Variants in DPYD observed in about 807,000 individuals in gnomAD.
DPYD encodes the protein dihydropyrimidine dehydrogenase [NADP(+)].
In DPYD, 109 loss-of-function variants were observed where a neutral mutation model predicts 116.2. The observed-to-expected ratio is 0.94, with a 90% CI of 0.80 to 1.10. The LOEUF (loss-of-function observed/expected upper bound fraction) is 1.10, where lower values mean the gene tolerates loss of function less well. Among genes scored for constraint, DPYD ranks in the 50% least tolerant of loss-of-function variants. The probability of loss-of-function intolerance (pLI) is 0.00; values close to 1 mark genes in which losing one functional copy is unlikely to be tolerated. For missense variants in DPYD, 1,302 were observed against 1,254.5 expected (o/e 1.04, Z -0.57); for synonymous variants, 440 against 432.0 (o/e 1.02, Z -0.23).
chr1:97,225,039 ATCT>A (rs1205802493), intron 19 of DPYD, among the ~76,000 whole-genome samples: 2 of 150,460 alleles, frequency 1.3e-5, no homozygotes, highest in Non-Finnish European at 3.0e-5. Flanking sequence ...CTATCTATCT[ATCT>A]ATCTATCTAT....
intron 8 of DPYD, among the ~76,000 whole-genome samples, chr1:97,624,580 C>A (rs966073212): frequency 1.3e-5 from 2 of 151,882 alleles, no homozygotes; most frequent in Admixed American, 1.3e-4. Flanking sequence ...ACTGGAAATA[C>A]AATTACCATG....
intron 2 of DPYD, among the ~76,000 whole-genome samples, chr1:97,867,346 G>A (rs982333458): frequency 4.6e-5 from 7 of 151,816 alleles, no homozygotes; most frequent in African/African-American, 1.7e-4. Flanking sequence ...CTCAAAAAAG[G>A]AAGAACCATA....
At chr1:97,467,638 T>G (rs1199777781) in intron 13 of DPYD, among the ~76,000 whole-genome samples, 1 of 152,166 alleles carries the variant, frequency 6.6e-6, no homozygotes, top group Non-Finnish European at 1.5e-5. Context: ...GTTGTCAGTG[T>G]TTGTCCTTGC....
chr1:97,644,748 G>T (rs746096355), intron 8 of DPYD, among the ~76,000 whole-genome samples: 2 of 151,330 alleles, frequency 1.3e-5, no homozygotes, highest in Non-Finnish European at 2.9e-5. Flanking sequence ...ATGAGCCACC[G>T]CACCTGGCCA....
chr1:97,797,733 C>G (rs1410354224), intron 3 of DPYD: 1 of 151,886 alleles, frequency 6.6e-6, no homozygotes, highest in East Asian at 1.9e-4. Flanking sequence ...TGTACTAAAC[C>G]AAGCATCATG....
intron 3 of DPYD, among the ~76,000 whole-genome samples, chr1:97,742,540 T>C (rs1664326693): frequency 6.6e-6 from 1 of 152,152 alleles, no homozygotes; most frequent in Non-Finnish European, 1.5e-5. Context: ...TGAATTCCTG[T>C]CTGCTCATAC....
At chr1:97,283,639 C>G (rs918842709) in intron 18 of DPYD, among the ~76,000 whole-genome samples, 1 of 152,004 alleles carries the variant, frequency 6.6e-6, no homozygotes, top group African/African-American at 2.4e-5. Context: ...TTGAAATAAA[C>G]GCTGTATTTA....
chr1:97,715,412 A>T (rs1015934763), intron 5 of DPYD, among the ~76,000 whole-genome samples: 12 of 152,154 alleles, frequency 7.9e-5, no homozygotes, highest in African/African-American at 2.9e-4. Context: ...CATTATTTCA[A>T]TTGTTGGCTT....
chr1:97,175,315 T>G (rs1026691620), intron 20 of DPYD, among the ~76,000 whole-genome samples: 2 of 152,192 alleles, frequency 1.3e-5, no homozygotes, highest in Non-Finnish European at 2.9e-5. Context: ...TTTACCTAGG[T>G]TGTCAGTTCT....
At chr1:97,203,671 CCCCAA>C (rs1358154422) in intron 19 of DPYD, among the ~76,000 whole-genome samples, 1 of 58,532 alleles carries the variant, frequency 1.7e-5, no homozygotes, top group Non-Finnish European at 3.5e-5. Flanking sequence ...GACCCCCCCC[CCCCAA>C]AAAAAAAAAA....
chr1:97,722,968 T>G (rs1663005835), intron 4 of DPYD, among the ~76,000 whole-genome samples: 1 of 151,570 alleles, frequency 6.6e-6, no homozygotes, highest in South Asian at 2.1e-4. Context: ...ATCAAGAAAT[T>G]TAAGTCAGAA....
At chr1:97,704,668 T>C (rs2100985483) in intron 5 of DPYD, among the ~76,000 whole-genome samples, 1 of 152,170 alleles carries the variant, frequency 6.6e-6, no homozygotes, top group East Asian at 1.9e-4. Context: ...TAAGAGATTT[T>C]TTCTTAGAAT....
chr1:97,856,897 C>G (rs891121012), intron 2 of DPYD: 2 of 152,264 alleles, frequency 1.3e-5, no homozygotes, highest in African/African-American at 4.8e-5. Context: ...AACTCTCCCA[C>G]TGATGTGGAG....
intron 1 of DPYD, 112 bp from the exon 2 acceptor site, chr1:97,883,486 A>T: frequency 1.2e-6 from 1 of 851,742 alleles, no homozygotes; most frequent in Middle Eastern, 3.5e-4. Context: ...TCACTTTGTC[A>T]CCCAGGCTGG....
chr1:97,178,578 C>T (rs1237402434), intron 20 of DPYD, among the ~76,000 whole-genome samples: 1 of 152,108 alleles, frequency 6.6e-6, no homozygotes. Flanking sequence ...TCACCTCTCA[C>T]CAGGTTCCAC....
chr1:97,294,905 G>T (rs948829902), intron 18 of DPYD, among the ~76,000 whole-genome samples: 1 of 152,102 alleles, frequency 6.6e-6, no homozygotes, highest in Admixed American at 6.5e-5. Context: ...TTTAACAAGG[G>T]TCACAGAAGA....
At chr1:97,337,407 T>C (rs74504956) in intron 16 of DPYD, among the ~76,000 whole-genome samples, 1,878 of 152,220 alleles carry the variant, frequency 0.012, 33 homozygotes, top group African/African-American at 0.04. Flanking sequence ...ATACCTCGTG[T>C]TATGCTTCCT....
At chr1:97,386,877 T>C (rs1470853470) in intron 14 of DPYD, among the ~76,000 whole-genome samples, 1 of 151,994 alleles carries the variant, frequency 6.6e-6, no homozygotes, top group Non-Finnish European at 1.5e-5. Flanking sequence ...ACACTGGACA[T>C]AATTTAATAT....
chr1:97,121,682 G>A (rs996493334), intron 20 of DPYD, among the ~76,000 whole-genome samples: 5 of 152,210 alleles, frequency 3.3e-5, no homozygotes, highest in South Asian at 2.1e-4. Context: ...AACTTGGTAC[G>A]GGAGAAGGAG....
Sources: allele counts gnomAD v4.1 joint callset (sites outside exome capture counted in the v4.1 genomes callset), GRCh38; gene constraint gnomAD v4.1.1; transcripts MANE v1.5; gene names NCBI Gene and HGNC (gene_info 2026-07-23, HGNC 2026-07-21).